Variants in SLC44A1 observed in about 807,000 individuals in gnomAD.
The protein encoded by SLC44A1 is solute carrier family 44 member 1.
SLC44A1 carries 26 observed loss-of-function variants against 79.3 expected under a neutral mutation model. The observed-to-expected ratio is 0.33, with a 90% CI of 0.24 to 0.46. The LOEUF (loss-of-function observed/expected upper bound fraction) is 0.46, where lower values mean the gene tolerates loss of function less well. Among genes scored for constraint, SLC44A1 ranks in the 20% least tolerant of loss-of-function variants. SLC44A1 has a pLI of 1.00. For synonymous variants in SLC44A1, 263 were observed against 286.2 expected, an observed-to-expected ratio of 0.92 and a Z score of 0.82; for missense variants, 688 against 798.1, an observed-to-expected ratio of 0.86 and a Z score of 1.66.
Position 105,374,540 on chromosome 9 carries a change from T to C in SLC44A1, c.1495-58T>C, listed in dbSNP as rs148722326. On this transcript the variant is annotated intron_variant, in intron 12 of 15. Coordinates refer to ENST00000374720, the MANE Select transcript of SLC44A1 (RefSeq NM_080546.5). ...CTATGTTTTAGCTATGCTCAGTTTCTATCTTAACAAAGGAAGTTTCAATTG... is the reference window on the plus strand; with the variant it reads ...CTATGTTTTAGCTATGCTCAGTTTCCATCTTAACAAAGGAAGTTTCAATTG... 1,460 of 1,561,046 alleles carry C rather than the reference T, an allele frequency of 9.4e-4. 1 individual carries two copies. The highest frequency in any genetic ancestry group is 1.2e-3 in the Non-Finnish European group (1,368 of 1,145,030).
chr9:105,265,481 A>C (rs1176444632), intron 1 of SLC44A1, among the ~76,000 whole-genome samples: 1 of 152,192 alleles, frequency 6.6e-6, no homozygotes, highest in Non-Finnish European at 1.5e-5. Flanking sequence ...GTTTGTTTTT[A>C]TGGCTAAGTA....
intron 2 of SLC44A1, among the ~76,000 whole-genome samples, chr9:105,301,225 C>T (rs1350575350): frequency 1.3e-5 from 2 of 152,152 alleles, no homozygotes; most frequent in Non-Finnish European, 2.9e-5. Flanking sequence ...TAAAACAGGT[C>T]AGGAAAGTGC....
intron 2 of SLC44A1, among the ~76,000 whole-genome samples, chr9:105,301,601 A>G (rs73510295): frequency 0.042 from 6,364 of 152,286 alleles, 449 homozygotes; most frequent in African/African-American, 0.14. Flanking sequence ...TACTTTTAAA[A>G]TAAACATTTA....
intron 1 of SLC44A1, among the ~76,000 whole-genome samples, chr9:105,261,482 A>G (rs1829837247): frequency 6.6e-6 from 1 of 152,208 alleles, no homozygotes. Context: ...GACAAGCAGC[A>G]CTGCTTCTGC....
At chr9:105,377,126 A>G (rs1238795629) in intron 13 of SLC44A1, among the ~76,000 whole-genome samples, 5 of 152,220 alleles carry the variant, frequency 3.3e-5, no homozygotes. Context: ...ATAGTGACCA[A>G]TTGTAAACAA....
At chr9:105,370,730 G>T (rs1308430554) in intron 12 of SLC44A1, among the ~76,000 whole-genome samples, 1 of 152,202 alleles carries the variant, frequency 6.6e-6, no homozygotes, top group Non-Finnish European at 1.5e-5. Context: ...GAATGGAGAC[G>T]TGTGGGTCCT....
Position 105,324,800 on chromosome 9 carries a change from A to G in SLC44A1, c.270-10763A>G, listed in dbSNP as rs560341186. 7.4e-4 allele frequency among the ~76,000 whole-genome samples: 112 copies of G among 152,330 alleles called. 1 individual carries two copies. The highest frequency in any genetic ancestry group is 3.4e-3 in the Middle Eastern group (1 of 294). ...TCAAGAAATGCAAATCAAAACAACA[A>G]TAAGTTACTATTTCACATCCACTAG... On this transcript the variant is annotated intron_variant, in intron 3 of 15. Transcript: ENST00000374720.
intron 4 of SLC44A1, among the ~76,000 whole-genome samples, chr9:105,346,566 T>C (rs1438392297): frequency 6.6e-6 from 1 of 152,118 alleles, no homozygotes; most frequent in Admixed American, 6.6e-5. Context: ...CAGTTGCTAT[T>C]TTTCATGAGC....
intron 15 of SLC44A1, among the ~76,000 whole-genome samples, chr9:105,404,785 G>C (rs374297667): frequency 1.3e-5 from 2 of 152,196 alleles, no homozygotes; most frequent in South Asian, 4.1e-4. Context: ...ATCTGTCTCT[G>C]CCTCTTGCTG....
At chr9:105,350,695 T>C (rs1827378392) in intron 5 of SLC44A1, among the ~76,000 whole-genome samples, 1 of 152,176 alleles carries the variant, frequency 6.6e-6, no homozygotes, top group African/African-American at 2.4e-5. Flanking sequence ...TAAACCAAGT[T>C]TCCTCATGTG....
chr9:105,396,580 C>G lies in SLC44A1; in HGVS notation c.*7524C>G, dbSNP rs1190720906. On this transcript the variant is annotated 3_prime_UTR_variant, in exon 16 of 16. Coordinates refer to ENST00000374720, the MANE Select transcript of SLC44A1 (RefSeq NM_080546.5). The stretch of plus-strand genomic sequence containing the variant: ...TCTCTCAGGCACTGAGTCTTCACAT[C>G]CAGTGTCAAGCCCAGCCCAGCATAT... The G allele has an allele frequency of 1.2e-5, 12 of 985,274 alleles. No individual in the cohort carries two copies. Among genetic ancestry groups the G allele is most frequent in the African/African-American group, 1.7e-5 (1 of 57,244 alleles). The allele number at this position is 985,274 out of a possible 1,614,324, so 61.0% of individuals were successfully genotyped here.
Position 105,386,181 on chromosome 9 carries a change from T to C in SLC44A1, c.1950+679T>C, listed in dbSNP as rs888927635. The C allele has an allele frequency of 4.1e-6, 4 of 982,348 alleles. No homozygotes were observed. The African/African-American group carries it at 7.0e-5, about 17-fold the overall frequency. The allele number at this position is 982,348 out of a possible 1,614,324, so 60.9% of individuals were successfully genotyped here. ...GTATATGTACACAAATATATCTCTC[T>C]ACTCCACTTTTATTTGAAAAAAGCA... On this transcript the variant is annotated intron_variant, in intron 15 of 15. Coordinates refer to ENST00000374720, the MANE Select transcript of SLC44A1 (RefSeq NM_080546.5).
intron 1 of SLC44A1, among the ~76,000 whole-genome samples, chr9:105,296,653 CAT>C (rs531395602): frequency 2.1e-4 from 32 of 152,214 alleles, no homozygotes; most frequent in African/African-American, 5.8e-4. Context: ...GAATATCAAA[CAT>C]GTGTCCAAAT....
At chr9:105,260,047 A>G (rs1250458636) in intron 1 of SLC44A1, among the ~76,000 whole-genome samples, 1 of 152,200 alleles carries the variant, frequency 6.6e-6, no homozygotes, top group Non-Finnish European at 1.5e-5. Flanking sequence ...ATCACTTTGA[A>G]AGATTTAAAT....
rs140908094 is a variant in SLC44A1, at chr9:105,350,089, T to A, written c.500+1638T>A. Among the ~76,000 whole-genome samples the A allele has an allele frequency of 4.6e-5, 7 of 152,344 alleles. No homozygotes were observed. The East Asian group carries it at 1.4e-3, about 29-fold the overall frequency. ...CTTCTAACAAGGTCATCATCTGATA[T>A]CTCACTAATCTAAAATGCAGTGCTG... On this transcript the variant is annotated intron_variant, in intron 5 of 15. Transcript: ENST00000374720.
intron 13 of SLC44A1, among the ~76,000 whole-genome samples, chr9:105,380,046 G>A (rs544277818): frequency 1.3e-5 from 2 of 152,276 alleles, no homozygotes; most frequent in South Asian, 4.1e-4. Context: ...GGCAAGAAAA[G>A]AAAGGAAGGG....
intron 7 of SLC44A1, 84 bp downstream of exon 7, chr9:105,358,517 A>T: frequency 1.3e-6 from 1 of 791,160 alleles, no homozygotes; most frequent in Middle Eastern, 3.2e-4. Context: ...AAAATAAATT[A>T]TATTTTCACA....
chr9:105,437,253 C>A (rs1365662519), intron 15 of SLC44A1, among the ~76,000 whole-genome samples: 1 of 152,064 alleles, frequency 6.6e-6, no homozygotes, highest in Admixed American at 6.5e-5. Flanking sequence ...CATTCTCTCT[C>A]TATATCTATC....
intron 14 of SLC44A1, among the ~76,000 whole-genome samples, chr9:105,383,903 C>A (rs1489919537): frequency 6.6e-6 from 1 of 152,172 alleles, no homozygotes; most frequent in African/African-American, 2.4e-5. Context: ...AACCTTTACA[C>A]AGATATATGC....
Sources: gnomAD v4.1 joint callset for allele counts (sites outside exome capture counted in the v4.1 genomes callset) on GRCh38, gnomAD v4.1.1 for gene constraint, MANE v1.5 for transcripts, NCBI Gene and HGNC (gene_info 2026-07-23, HGNC 2026-07-21) for gene names.